Variants in HNF4A observed in about 807,000 individuals in gnomAD.
HNF4A encodes the protein hepatocyte nuclear factor 4-alpha.
A neutral mutation model predicts 52.4 loss-of-function variants in HNF4A; 15 were observed. That is an observed-to-expected ratio of 0.29 (90% CI 0.19 to 0.44). The LOEUF (loss-of-function observed/expected upper bound fraction) is 0.44. Among genes scored for constraint, HNF4A ranks in the 20% least tolerant of loss-of-function variants. The pLI is 1.00. For missense variants in HNF4A, 479 were observed against 647.2 expected (o/e 0.74, Z 2.82); for synonymous variants, 280 against 264.4 (o/e 1.06, Z -0.57).
rs1200638153 is a variant in HNF4A at position 44,368,160 on chromosome 20, A to ATATATATTTTTTTTTTTT, written c.49+12308_49+12309insATATATTTTTTTTTTTTT. On this transcript the variant is annotated intron_variant, in intron 1 of 9. Transcript: ENST00000316673. ...TATATACATATATATATATATATATATTTTTTTTTTTTTTTTTTTTTTTTG... is the reference window on the plus strand; with the variant it reads ...TATATACATATATATATATATATATATATATATTTTTTTTTTTTTTTTTTTTTTTTTTTTTTTTTTTTG... 2.9e-4 allele frequency among the ~76,000 whole-genome samples: 8 copies of ATATATATTTTTTTTTTTT among 27,780 alleles called. 1 individual carries two copies. Among genetic ancestry groups the ATATATATTTTTTTTTTTT allele is most frequent in the Non-Finnish European group, 3.6e-4 (6 of 16,752 alleles). The allele number at this position is 27,780 out of a possible 152,430, so 18.2% of individuals were successfully genotyped here. A position where few individuals can be genotyped will look rare whatever the true frequency, so the allele number is the denominator to read the frequency against.
At chr20:44,389,154 C>T (rs2063271293) in intron 1 of HNF4A, among the ~76,000 whole-genome samples, 1 of 152,252 alleles carries the variant, frequency 6.6e-6, no homozygotes, top group Non-Finnish European at 1.5e-5. Context: ...CTAAAATGAC[C>T]TGTGCAGGCA....
At chr20:44,388,024 A>G (rs1464988155) in intron 1 of HNF4A, among the ~76,000 whole-genome samples, 1 of 152,120 alleles carries the variant, frequency 6.6e-6, no homozygotes, top group African/African-American at 2.4e-5. Context: ...CAAAGATAGT[A>G]TATGGGCTCC....
At chr20:44,397,598 A>G (rs186755959), upstream of HNF4A, among the ~76,000 whole-genome samples, 50 of 152,016 alleles carry the variant, frequency 3.3e-4, no homozygotes, top group South Asian at 6.2e-4. Flanking sequence ...GTACCCATGA[A>G]CCAACGTCTC....
At chr20:44,414,427 G>A (rs1441138152) in intron 4 of HNF4A, 80 bp from the exon 5 acceptor site, 3 of 1,601,222 alleles carry the variant, frequency 1.9e-6, no homozygotes, top group African/African-American at 2.7e-5. Flanking sequence ...CTGATTCCAG[G>A]GAGGGGGCTC....
At chr20:44,409,067 T>C (rs2063544382) in intron 3 of HNF4A, among the ~76,000 whole-genome samples, 1 of 152,086 alleles carries the variant, frequency 6.6e-6, no homozygotes, top group Admixed American at 6.5e-5. Context: ...CTATGTCTCA[T>C]CCTTATGGGA....
At chr20:44,384,278 A>G (rs2063192975) in intron 1 of HNF4A, among the ~76,000 whole-genome samples, 1 of 146,010 alleles carries the variant, frequency 6.8e-6, no homozygotes, top group Admixed American at 7.1e-5. Context: ...TTATTTTCTC[A>G]TTGCTTTCTA....
At chr20:44,404,339 C>A (rs1015574683) in intron 1 of HNF4A, among the ~76,000 whole-genome samples, 3 of 152,054 alleles carry the variant, frequency 2.0e-5, no homozygotes, top group Admixed American at 1.3e-4. Flanking sequence ...AAAAAGTGGG[C>A]AAGCTGGAAT....
At chr20:44,356,247 T>C (rs1600615910) in intron 1 of HNF4A, among the ~76,000 whole-genome samples, 1 of 152,144 alleles carries the variant, frequency 6.6e-6, no homozygotes, top group Non-Finnish European at 1.5e-5. Context: ...ACGTTGCTGG[T>C]GCATTATCAA....
At chr20:44,417,126 G>T (rs149468359) in intron 5 of HNF4A, among the ~76,000 whole-genome samples, 1 of 150,774 alleles carries the variant, frequency 6.6e-6, no homozygotes, top group Non-Finnish European at 1.5e-5. Flanking sequence ...ATAACTGAAA[G>T]AATGAACAAT....
intron 1 of HNF4A, among the ~76,000 whole-genome samples, chr20:44,405,816 C>T (rs1644893168): frequency 6.6e-6 from 1 of 152,166 alleles, no homozygotes; most frequent in African/African-American, 2.4e-5. Flanking sequence ...GGCTCGTGGC[C>T]TCCACCACAG....
intron 1 of HNF4A, chr20:44,390,642 G>C: frequency 1.4e-6 from 1 of 702,546 alleles, no homozygotes; most frequent in East Asian, 2.7e-5. Flanking sequence ...GGAGGAGGAT[G>C]TCGGACTGGG....
At chr20:44,404,929 G>GGTGTGT (rs555098327) in intron 1 of HNF4A, among the ~76,000 whole-genome samples, 1 of 49,622 alleles carries the variant, frequency 2.0e-5, no homozygotes, top group African/African-American at 8.7e-5. Context: ...GCTTGTGTGT[G>GGTGTGT]GTGTGTGTGC....
intron 1 of HNF4A, among the ~76,000 whole-genome samples, chr20:44,363,722 T>C (rs1162519913): frequency 7.4e-5 from 11 of 147,724 alleles, no homozygotes; most frequent in African/African-American, 2.3e-4. Context: ...TTTTTTTTTT[T>C]TTTTTTGAGA....
At chr20:44,373,135 G>A (rs1211170335) in intron 1 of HNF4A, 2 of 152,126 alleles carry the variant, frequency 1.3e-5, no homozygotes, top group African/African-American at 4.8e-5. Flanking sequence ...AGAGCCAAAA[G>A]TGGCATTTGG....
intron 8 of HNF4A, 53 bp from the exon 9 acceptor site, chr20:44,428,282 C>T (rs1390838055): frequency 6.3e-7 from 1 of 1,599,342 alleles, no homozygotes; most frequent in African/African-American, 1.3e-5. Flanking sequence ...CGTCCCAAGG[C>T]CTGAGGTCTG....
chr20:44,419,541 C>T (rs2063714780), intron 6 of HNF4A, among the ~76,000 whole-genome samples, 180 bp from the exon 7 acceptor site: 1 of 152,212 alleles, frequency 6.6e-6, no homozygotes, highest in African/African-American at 2.4e-5. Flanking sequence ...CCGGATGACT[C>T]AAGGCAGCTT....
intron 1 of HNF4A, among the ~76,000 whole-genome samples, chr20:44,389,273 G>A (rs950166214): frequency 2.0e-5 from 3 of 152,164 alleles, no homozygotes; most frequent in African/African-American, 4.8e-5. Flanking sequence ...CGTTTTTCAT[G>A]TATTTACTTG....
intron 1 of HNF4A, among the ~76,000 whole-genome samples, chr20:44,401,850 C>G (rs1334861338): frequency 3.9e-5 from 6 of 152,094 alleles, no homozygotes; most frequent in African/African-American, 1.4e-4. Context: ...CAGCACGGCC[C>G]CTTCGTGAAC....
intron 1 of HNF4A, among the ~76,000 whole-genome samples, chr20:44,387,694 A>G (rs1455920447): frequency 2.9e-3 from 82 of 28,598 alleles, no homozygotes; most frequent in Admixed American, 5.2e-3. Context: ...GGAGCGGGGG[A>G]GATCCCCTCC....
Sources: gnomAD v4.1 joint callset for allele counts (sites outside exome capture counted in the v4.1 genomes callset) on GRCh38, gnomAD v4.1.1 for gene constraint, MANE v1.5 for transcripts, NCBI Gene and HGNC (gene_info 2026-07-23, HGNC 2026-07-21) for gene names.